Variants in ELOVL5 observed in about 807,000 individuals in gnomAD.
The protein encoded by ELOVL5 is ELOVL fatty acid elongase 5.
In ELOVL5, 8 loss-of-function variants were observed where a neutral mutation model predicts 38.6. That is an observed-to-expected ratio of 0.21 (90% confidence interval 0.12 to 0.37). The LOEUF (loss-of-function observed/expected upper bound fraction) is 0.37. ELOVL5 is among the 10% of genes least tolerant of loss of function. The probability of loss-of-function intolerance (pLI) is 1.00; values close to 1 mark genes in which losing one functional copy is unlikely to be tolerated. For synonymous variants in ELOVL5, 127 were observed against 133.7 expected (o/e 0.95, Z 0.34); for missense variants, 280 against 367.8 (o/e 0.76, Z 1.95).
chr6:53,274,773 C>T (rs1372839764), intron 5 of ELOVL5, among the ~76,000 whole-genome samples: 1 of 152,200 alleles, frequency 6.6e-6, no homozygotes, highest in Non-Finnish European at 1.5e-5. Flanking sequence ...ACCTGCCCGT[C>T]TCAAACCTTC....
At chr6:53,305,370 G>A (rs1339044213) in intron 1 of ELOVL5, among the ~76,000 whole-genome samples, 2 of 105,004 alleles carry the variant, frequency 1.9e-5, no homozygotes, top group African/African-American at 6.3e-5. Flanking sequence ...GGCTGGCCTG[G>A]CGGGGGCTGA....
intron 1 of ELOVL5, among the ~76,000 whole-genome samples, chr6:53,309,610 T>C (rs542345972): frequency 3.3e-5 from 5 of 152,200 alleles, no homozygotes; most frequent in Non-Finnish European, 5.9e-5. Flanking sequence ...TGAACCAGGG[T>C]TGTGTGTGTG....
intron 2 of ELOVL5, among the ~76,000 whole-genome samples, chr6:53,294,915 A>G (rs1308319744): frequency 6.6e-6 from 1 of 152,246 alleles, no homozygotes; most frequent in Non-Finnish European, 1.5e-5. Context: ...AAGGCAAAAC[A>G]GCCTTTCAGA....
intron 1 of ELOVL5, 58 bp downstream of exon 1, chr6:53,348,759 C>A: frequency 2.2e-6 from 1 of 451,050 alleles, no homozygotes. Context: ...CGCGCTCGCG[C>A]GGGTGTCATG....
chr6:53,327,975 A>G (rs1169029168), intron 1 of ELOVL5, among the ~76,000 whole-genome samples: 1 of 152,110 alleles, frequency 6.6e-6, no homozygotes, highest in Non-Finnish European at 1.5e-5. Context: ...AAAGTCAGCC[A>G]ATTATCAATA....
chr6:53,348,921 C>T lies in ELOVL5; in HGVS notation c.-113G>A, dbSNP rs753858814. On this transcript the variant is annotated 5_prime_UTR_variant, in exon 1 of 8. Coordinates refer to ENST00000304434, the MANE Select transcript of ELOVL5 (RefSeq NM_021814.5). ...CAGAGGCGGATGTAGAAGGAGACAC[C>T]GGTGGCTAGGACCCGCGCGATGGGA... 4.5e-6 allele frequency: 2 copies of T among 446,702 alleles called. No individual in the cohort carries two copies. Among genetic ancestry groups the T allele is most frequent in the East Asian group, 7.7e-5 (1 of 13,064 alleles). 27.7% of individuals were successfully genotyped at this position (446,702 alleles called of 1,614,324 possible).
chr6:53,298,156 T>C (rs1249096002), intron 1 of ELOVL5, among the ~76,000 whole-genome samples: 1 of 152,160 alleles, frequency 6.6e-6, no homozygotes, highest in Non-Finnish European at 1.5e-5. Flanking sequence ...TTTAATTTCA[T>C]CTATGATGTA....
chr6:53,326,709 G>A (rs1195135556), intron 1 of ELOVL5, among the ~76,000 whole-genome samples: 13 of 152,162 alleles, frequency 8.5e-5, no homozygotes, highest in Admixed American at 7.2e-4. Context: ...TCCTTGAGGC[G>A]TTATGTATCT....
intron 3 of ELOVL5, among the ~76,000 whole-genome samples, chr6:53,280,220 G>C (rs947924484): frequency 2.0e-4 from 30 of 152,190 alleles, no homozygotes; most frequent in African/African-American, 7.2e-4. Context: ...CTGAGAATCA[G>C]ATCGAAAGAG....
intron 1 of ELOVL5, among the ~76,000 whole-genome samples, chr6:53,305,099 A>G (rs1459628165): frequency 2.3e-5 from 3 of 133,302 alleles, no homozygotes; most frequent in African/African-American, 5.6e-5. Context: ...CTCGCTGGGC[A>G]GGGGGCTGAC....
At position 53,273,274 on chromosome 6, in the gene ELOVL5, G is replaced by A. The variant is rs772801768; in HGVS notation, c.567C>T (p.Val189=). 2.5e-6 allele frequency: 4 copies of A among 1,613,850 alleles called. No individual in the cohort carries two copies. Among genetic ancestry groups the A allele is most frequent in the Non-Finnish European group, 3.4e-6 (4 of 1,179,766 alleles). Residue 189 remains valine, a synonymous_variant, in exon 6 of 8, where the codon GTC becomes GTT. Transcript: ENST00000304434. ...ACCAGAGGTATGGACGCATGGAAGGGACTGACGACAAACCATAGTAAGAGT... is the reference window on the plus strand; with the variant it reads ...ACCAGAGGTATGGACGCATGGAAGGAACTGACGACAAACCATAGTAAGAGT... ...LMYSYYGLSS[V]PSMRPYLWWK... is the part of the protein sequence containing the mutation.
chr6:53,308,402 A>T (rs984492563), intron 1 of ELOVL5, among the ~76,000 whole-genome samples: 1 of 152,210 alleles, frequency 6.6e-6, no homozygotes, highest in African/African-American at 2.4e-5. Context: ...TTATCGCTAG[A>T]GTGTCTGGAT....
chr6:53,305,420 C>A (rs1225648192), intron 1 of ELOVL5, among the ~76,000 whole-genome samples: 1 of 150,184 alleles, frequency 6.7e-6, no homozygotes, highest in Non-Finnish European at 1.5e-5. Flanking sequence ...GGCTGCCGGG[C>A]GGAGACGCTC....
chr6:53,290,766 G>A (rs1766743852), intron 3 of ELOVL5, among the ~76,000 whole-genome samples: 1 of 151,204 alleles, frequency 6.6e-6, no homozygotes, highest in South Asian at 2.1e-4. Flanking sequence ...ACGTAGACAG[G>A]GAGACACCAT....
At chr6:53,319,926 TGTAA>T (rs1768228197) in intron 1 of ELOVL5, among the ~76,000 whole-genome samples, 1 of 152,250 alleles carries the variant, frequency 6.6e-6, no homozygotes, top group Non-Finnish European at 1.5e-5. Context: ...CTTGGAAATG[TGTAA>T]GTAAGACGAA....
chr6:53,298,404 A>T (rs1767104380), intron 1 of ELOVL5, among the ~76,000 whole-genome samples: 1 of 152,208 alleles, frequency 6.6e-6, no homozygotes, highest in Non-Finnish European at 1.5e-5. Flanking sequence ...GTCACATTAA[A>T]TGTACAATAA....
chr6:53,319,990 T>A (rs544721710), intron 1 of ELOVL5, among the ~76,000 whole-genome samples: 1 of 152,270 alleles, frequency 6.6e-6, no homozygotes, highest in South Asian at 2.1e-4. Flanking sequence ...TTTGCCCAAG[T>A]CACATAGAGA....
Position 53,270,698 on chromosome 6 carries a change from G to A in ELOVL5, c.651C>T (p.Thr217=). 1 of 1,614,162 alleles carries A rather than the reference G, an allele frequency of 6.2e-7. No homozygotes were observed. The highest frequency in any genetic ancestry group is 1.1e-5 in the South Asian group (1 of 91,072). The change falls in exon 7 of 8, where the codon ACC becomes ACT. Residue 217 remains threonine, a synonymous_variant. Transcript: ENST00000304434. ...LLQFVLTIIQ[T]SCGVIWPCTF... ...TGCACGGCCAGATGACCCCGCAGCT[G>A]GTCTGGATGATTGTCAGCACAAACT...
intron 3 of ELOVL5, among the ~76,000 whole-genome samples, chr6:53,282,666 G>T (rs1766403423): frequency 2.6e-5 from 4 of 152,336 alleles, no homozygotes; most frequent in South Asian, 2.1e-4. Context: ...GGCATTTCTT[G>T]TAAGTACTAA....
Sources: allele counts gnomAD v4.1 joint callset (sites outside exome capture counted in the v4.1 genomes callset), GRCh38; gene constraint gnomAD v4.1.1; transcripts MANE v1.5; gene names NCBI Gene and HGNC (gene_info 2026-07-23, HGNC 2026-07-21).